Variants in MYH9 observed in about 807,000 individuals in gnomAD.
The protein encoded by MYH9 is myosin-9.
A neutral mutation model predicts 241.9 loss-of-function variants in MYH9; 29 were observed. That is an observed-to-expected ratio of 0.12 (90% CI 0.09 to 0.16). The LOEUF (loss-of-function observed/expected upper bound fraction) is 0.16. MYH9 is among the 10% of genes least tolerant of loss of function. The pLI is 1.00. For synonymous variants in MYH9, 1,047 were observed against 1,062.6 expected (o/e 0.99, Z 0.29); for missense variants, 1,803 against 2,595.5 (o/e 0.69, Z 6.63).
chr22:36,384,321 A>C (rs1052800086), intron 1 of MYH9, among the ~76,000 whole-genome samples: 27 of 150,118 alleles, frequency 1.8e-4, no homozygotes, highest in Admixed American at 1.3e-4. Flanking sequence ...GGTGGCTCAC[A>C]CCTGTAATCT....
At chr22:36,377,062 CA>C (rs11448075) in intron 1 of MYH9, among the ~76,000 whole-genome samples, 58 of 144,786 alleles carry the variant, frequency 4.0e-4, no homozygotes, top group African/African-American at 3.8e-4. Context: ...GACCCTACCT[CA>C]AAAAAAAAAA....
rs1041526978 is a variant in MYH9, at chr22:36,305,160, G to A, written c.2160-58C>T. The stretch of plus-strand genomic sequence containing the variant: ...CCCATTGCCTCGATTCCACATGCCT[G>A]GAATATAGGCGAGAGATTAACATCA... On this transcript the variant is annotated intron_variant, in intron 17 of 40. Coordinates refer to ENST00000216181, the MANE Select transcript of MYH9 (RefSeq NM_002473.6). The surrounding 1 kb of genome is among the most constrained non-coding windows in gnomAD (Gnocchi z 4.7). The A allele has an allele frequency of 2.1e-5, 29 of 1,383,510 alleles. No individual in the cohort carries two copies. In the East Asian group the frequency reaches 4.8e-4, roughly 23 times the overall value. The allele number at this position is 1,383,510 out of a possible 1,614,324, so 85.7% of individuals were successfully genotyped here.
intron 1 of MYH9, among the ~76,000 whole-genome samples, chr22:36,380,352 T>C (rs1258324732): frequency 6.6e-6 from 1 of 152,156 alleles, no homozygotes; most frequent in Non-Finnish European, 1.5e-5. Flanking sequence ...TCCAGTGTTG[T>C]TATACATAAA....
intron 14 of MYH9, among the ~76,000 whole-genome samples, chr22:36,311,810 G>A (rs1372169185): frequency 6.6e-6 from 1 of 152,222 alleles, no homozygotes; most frequent in Non-Finnish European, 1.5e-5. Context: ...CAACCAGCCT[G>A]GGCACCGCGG....
At chr22:36,376,490 G>A (rs1431453573) in intron 1 of MYH9, among the ~76,000 whole-genome samples, 2 of 152,084 alleles carry the variant, frequency 1.3e-5, no homozygotes, top group Non-Finnish European at 2.9e-5. Flanking sequence ...ACAGGGACAG[G>A]CTGTCAGCCC....
intron 24 of MYH9, among the ~76,000 whole-genome samples, chr22:36,297,615 G>A (rs1487774848): frequency 6.6e-6 from 1 of 152,188 alleles, no homozygotes; most frequent in African/African-American, 2.4e-5. Flanking sequence ...ACGTGATCTT[G>A]AGATGTAGCC....
intron 24 of MYH9, 146 bp downstream of exon 24, chr22:36,298,773 A>C (rs974168889): frequency 9.5e-6 from 12 of 1,267,178 alleles, no homozygotes; most frequent in Non-Finnish European, 1.2e-5. Context: ...CTCAGGTCTA[A>C]AGGGCAGCAG....
intron 15 of MYH9, among the ~76,000 whole-genome samples, chr22:36,308,537 T>C (rs950538776): frequency 2.0e-5 from 3 of 151,938 alleles, no homozygotes; most frequent in Admixed American, 2.0e-4. Context: ...GCCTCCCAGA[T>C]TGCTGGGATT....
intron 1 of MYH9, among the ~76,000 whole-genome samples, chr22:36,360,300 G>A (rs1442178612): frequency 6.6e-6 from 1 of 152,138 alleles, no homozygotes; most frequent in Admixed American, 6.6e-5. Flanking sequence ...TATAAAGACA[G>A]CAATTTGCAG....
At chr22:36,308,129 T>TCAGGTGCACAGACA (rs1486435800) in intron 15 of MYH9, among the ~76,000 whole-genome samples, 2 of 152,270 alleles carry the variant, frequency 1.3e-5, no homozygotes, top group South Asian at 4.1e-4. Context: ...ACTTCAGCTT[T>TCAGGTGCACAGACA]CAGGTGCACA....
In MYH9 at chr22:36,294,101, G is replaced by T. The variant is rs1051314680; in HGVS notation, c.3828C>A (p.Thr1276=). Residue 1276 remains threonine, a synonymous_variant, in exon 28 of 41, where the codon ACC becomes ACA. Transcript: ENST00000216181. ...RVRTELADKV[T]KLQVELDNVT... is the part of the protein sequence containing the mutation. ...CTGGCGGAGGCCTCACCTGCAGCTT[G>T]GTGACCTTGTCGGCCAGCTCTGTGC... 1.2e-6 allele frequency: 2 copies of T among 1,608,918 alleles called. No individual in the cohort carries two copies.
At chr22:36,324,425 G>A (rs945268417) in intron 5 of MYH9, among the ~76,000 whole-genome samples, 10 of 152,250 alleles carry the variant, frequency 6.6e-5, no homozygotes, top group Non-Finnish European at 1.5e-4. Flanking sequence ...GCCCCAGCTC[G>A]TACACAAATA....
intron 1 of MYH9, among the ~76,000 whole-genome samples, chr22:36,377,459 G>A (rs777679429): frequency 2.0e-5 from 3 of 152,156 alleles, no homozygotes; most frequent in Non-Finnish European, 4.4e-5. Flanking sequence ...AGTGTAATGA[G>A]ATGAATTGAA....
At chr22:36,325,913 G>C (rs971160014) in intron 5 of MYH9, among the ~76,000 whole-genome samples, 2 of 152,236 alleles carry the variant, frequency 1.3e-5, no homozygotes, top group Admixed American at 1.3e-4. Context: ...GCTGCAGAAA[G>C]TGACAAGTGT....
At chr22:36,304,455 C>A (rs1239607142) in intron 18 of MYH9, among the ~76,000 whole-genome samples, 2 of 152,174 alleles carry the variant, frequency 1.3e-5, no homozygotes, top group African/African-American at 4.8e-5. Flanking sequence ...TAAAACAAGG[C>A]CAAAGGTAGC....
chr22:36,286,342 C>T (rs563257254), intron 35 of MYH9, among the ~76,000 whole-genome samples: 3 of 152,228 alleles, frequency 2.0e-5, no homozygotes, highest in South Asian at 2.1e-4. Context: ...CACTCGCAGC[C>T]GGCACATCAC....
At chr22:36,362,166 C>A (rs2017945317) in intron 1 of MYH9, among the ~76,000 whole-genome samples, 1 of 152,162 alleles carries the variant, frequency 6.6e-6, no homozygotes, top group South Asian at 2.1e-4. Context: ...AAGGAGGGAG[C>A]TTCCAATCTA....
In MYH9 at chr22:36,378,328, T is replaced by C. The variant is rs117973040; in HGVS notation, c.-20+9479A>G. The stretch of plus-strand genomic sequence containing the variant: ...AAGAGGAGGAACAGACCACTTCACA[T>C]CCATTTATAATGCTAAGAAAGAGGC... On this transcript the variant is annotated intron_variant, in intron 1 of 40. Coordinates refer to ENST00000216181, the MANE Select transcript of MYH9 (RefSeq NM_002473.6). Among the ~76,000 whole-genome samples the C allele has an allele frequency of 2.8e-4, 43 of 152,164 alleles. 1 individual carries two copies. The East Asian group carries it at 7.5e-3, about 27-fold the overall frequency.
chr22:36,304,938 G>T, intron 18 of MYH9, 95 bp downstream of exon 18: 2 of 1,264,176 alleles, frequency 1.6e-6, no homozygotes, highest in South Asian at 2.4e-5. Context: ...GGCATCCACC[G>T]ACCACTGATA....
Sources: gnomAD v4.1 joint callset for allele counts (sites outside exome capture counted in the v4.1 genomes callset) on GRCh38, gnomAD v4.1.1 for gene constraint, Gnocchi (gnomAD v3.1) non-coding constraint, MANE v1.5 for transcripts, NCBI Gene and HGNC (gene_info 2026-07-23, HGNC 2026-07-21) for gene names.